The following CACNA2D1 variants were observed in gnomAD, a reference collection of about 807,000 sequenced individuals.
The protein encoded by CACNA2D1 is voltage-dependent calcium channel subunit alpha-2/delta-1.
A neutral mutation model predicts 171.5 loss-of-function variants in CACNA2D1; 53 were observed. That is an observed-to-expected ratio of 0.31 (90% CI 0.25 to 0.39). The LOEUF (loss-of-function observed/expected upper bound fraction) is 0.39, where lower values mean the gene tolerates loss of function less well. Among genes scored for constraint, CACNA2D1 ranks in the 10% least tolerant of loss-of-function variants. CACNA2D1 has a pLI of 1.00. For synonymous variants in CACNA2D1, 442 were observed against 443.1 expected, an observed-to-expected ratio of 1.00 and a Z score of 0.03; for missense variants, 903 against 1,299.8, an observed-to-expected ratio of 0.69 and a Z score of 4.69.
At chr7:82,201,013 A>G (rs1799372176) in intron 3 of CACNA2D1, among the ~76,000 whole-genome samples, 1 of 152,156 alleles carries the variant, frequency 6.6e-6, no homozygotes, top group East Asian at 1.9e-4. Flanking sequence ...CTCAAAGTGT[A>G]TATGTTTATT....
At chr7:82,135,966 A>G (rs1476355128) in intron 5 of CACNA2D1, among the ~76,000 whole-genome samples, 1 of 152,180 alleles carries the variant, frequency 6.6e-6, no homozygotes, top group Non-Finnish European at 1.5e-5. Flanking sequence ...ATTTTAAAAA[A>G]TTAAGTGTAA....
chr7:81,960,472 G>A (rs1024654119), intron 36 of CACNA2D1, among the ~76,000 whole-genome samples: 1 of 152,036 alleles, frequency 6.6e-6, no homozygotes. Flanking sequence ...GACATGGACA[G>A]AATCAAGGGT....
chr7:82,106,083 A>G (rs1173061442), intron 6 of CACNA2D1, among the ~76,000 whole-genome samples: 2 of 152,196 alleles, frequency 1.3e-5, no homozygotes, highest in African/African-American at 4.8e-5. Flanking sequence ...ATAACCCGGT[A>G]TCTTTAAAGT....
At chr7:82,127,813 G>T (rs1212882708) in intron 5 of CACNA2D1, among the ~76,000 whole-genome samples, 1 of 152,164 alleles carries the variant, frequency 6.6e-6, no homozygotes, top group African/African-American at 2.4e-5. Flanking sequence ...ACACAGCAAA[G>T]ATTTTCTTAC....
intron 1 of CACNA2D1, among the ~76,000 whole-genome samples, chr7:82,418,871 C>A (rs1547942): frequency 0.17 from 25,729 of 152,064 alleles, 2,931 homozygotes; most frequent in East Asian, 0.46. Flanking sequence ...GTAATCCCAG[C>A]ACTTTGGGAG....
chr7:82,093,892 G>A (rs1399547212), intron 6 of CACNA2D1, among the ~76,000 whole-genome samples: 2 of 152,196 alleles, frequency 1.3e-5, no homozygotes, highest in South Asian at 2.1e-4. Flanking sequence ...ATTAGATAAG[G>A]GAAATCTCTT....
At chr7:82,380,397 A>G (rs1319242104) in intron 1 of CACNA2D1, among the ~76,000 whole-genome samples, 1 of 152,122 alleles carries the variant, frequency 6.6e-6, no homozygotes, top group African/African-American at 2.4e-5. Flanking sequence ...AAAATATCCT[A>G]TGATTAAGTT....
chr7:82,165,482 A>G (rs1795353173), intron 4 of CACNA2D1, among the ~76,000 whole-genome samples: 2 of 152,056 alleles, frequency 1.3e-5, no homozygotes, highest in Admixed American at 1.3e-4. Flanking sequence ...GCTTCTTTTC[A>G]ATATAAAAAA....
chr7:81,982,765 A>G (rs1336363701), intron 23 of CACNA2D1, 138 bp from the exon 24 acceptor site: 6 of 724,620 alleles, frequency 8.3e-6, no homozygotes, highest in African/African-American at 1.7e-5. Flanking sequence ...AAATTGAAAC[A>G]TATCAATGAA....
chr7:82,313,098 C>A (rs1414336856), intron 3 of CACNA2D1, among the ~76,000 whole-genome samples: 1 of 152,166 alleles, frequency 6.6e-6, no homozygotes, highest in Non-Finnish European at 1.5e-5. Flanking sequence ...ATCCTCAGGA[C>A]TAACAGACTG....
intron 3 of CACNA2D1, among the ~76,000 whole-genome samples, chr7:82,319,637 A>C (rs1465982444): frequency 6.6e-6 from 1 of 152,252 alleles, no homozygotes; most frequent in Non-Finnish European, 1.5e-5. Context: ...ATATAGGGCA[A>C]TAAATTCTCT....
Position 81,949,239 on chromosome 7 carries a change from G to C in CACNA2D1, c.*1153C>G, listed in dbSNP as rs1792281609. The C allele has an allele frequency of 6.6e-6, 1 of 151,998 alleles. No homozygotes were observed. Among genetic ancestry groups the C allele is most frequent in the Non-Finnish European group, 1.5e-5 (1 of 67,952 alleles). 9.4% of individuals were successfully genotyped at this position (151,998 alleles called of 1,614,324 possible). A position where few individuals can be genotyped will look rare whatever the true frequency, so the allele number is the denominator to read the frequency against. On this transcript the variant is annotated 3_prime_UTR_variant, in exon 39 of 39. Transcript: ENST00000356860. The stretch of plus-strand genomic sequence containing the variant: ...ATGTACTTAAAATATCTGTACATAG[G>C]TTATCAGGCGAAAGCATGAATCTGT...
chr7:82,274,762 G>C (rs747534062), intron 3 of CACNA2D1, among the ~76,000 whole-genome samples: 3 of 152,084 alleles, frequency 2.0e-5, no homozygotes. Flanking sequence ...TCTATGAGGG[G>C]AGGCAATTCT....
At chr7:82,201,539 A>T (rs907104841) in intron 3 of CACNA2D1, among the ~76,000 whole-genome samples, 1 of 152,174 alleles carries the variant, frequency 6.6e-6, no homozygotes, top group African/African-American at 2.4e-5. Context: ...TGACTGCACA[A>T]TGTTGATTAT....
At chr7:82,337,858 A>G (rs1818183017) in intron 2 of CACNA2D1, among the ~76,000 whole-genome samples, 1 of 152,190 alleles carries the variant, frequency 6.6e-6, no homozygotes, top group Admixed American at 6.5e-5. Flanking sequence ...CCACCCTGAC[A>G]TAAGTCTTAA....
At chr7:82,141,255 A>G (rs1007438807) in intron 4 of CACNA2D1, among the ~76,000 whole-genome samples, 1 of 152,176 alleles carries the variant, frequency 6.6e-6, no homozygotes, top group African/African-American at 2.4e-5. Context: ...GGAAAGGACA[A>G]TTCTTAGGAA....
rs1554398187 is a variant in CACNA2D1, at chr7:82,084,903, A to T, written c.527-3T>A. On this transcript the variant is annotated splice_polypyrimidine_tract_variant and splice_region_variant and intron_variant, in intron 6 of 38. Coordinates refer to ENST00000356860, the MANE Select transcript of CACNA2D1 (RefSeq NM_000722.4). The stretch of plus-strand genomic sequence containing the variant: ...GAGTTCATTTAACACAATTGTTGCT[A>T]ACAAAAAAGAGAGAAACCATTAATT... 6.2e-7 allele frequency: 1 copy of T among 1,610,782 alleles called. No homozygotes were observed. Among genetic ancestry groups the T allele is most frequent in the Non-Finnish European group, 8.5e-7 (1 of 1,176,994 alleles).
chr7:82,238,494 T>C (rs1254020122), intron 3 of CACNA2D1, among the ~76,000 whole-genome samples: 1 of 151,958 alleles, frequency 6.6e-6, no homozygotes, highest in African/African-American at 2.4e-5. Flanking sequence ...CCAAAATCAC[T>C]AATCATTAGG....
intron 3 of CACNA2D1, among the ~76,000 whole-genome samples, chr7:82,322,612 C>A (rs909717779): frequency 3.9e-5 from 6 of 151,974 alleles, no homozygotes; most frequent in Non-Finnish European, 8.8e-5. Flanking sequence ...GAATGATACC[C>A]TGTCTCAAAA....
Sources: gnomAD v4.1 joint callset for allele counts (sites outside exome capture counted in the v4.1 genomes callset) on GRCh38, gnomAD v4.1.1 for gene constraint, MANE v1.5 for transcripts, NCBI Gene and HGNC (gene_info 2026-07-23, HGNC 2026-07-21) for gene names.